The following DSCAM variants were observed in gnomAD, a reference collection of about 807,000 sequenced individuals.
DSCAM encodes DS cell adhesion molecule.
A neutral mutation model predicts 217.7 loss-of-function variants in DSCAM; 47 were observed. That is an observed-to-expected ratio of 0.22 (90% CI 0.17 to 0.28). The LOEUF (loss-of-function observed/expected upper bound fraction) is 0.28. DSCAM is among the 10% of genes least tolerant of loss of function. The pLI is 1.00. For synonymous variants in DSCAM, 1,056 were observed against 1,015.3 expected, an observed-to-expected ratio of 1.04 and a Z score of -0.76; for missense variants, 2,080 against 2,618.3, an observed-to-expected ratio of 0.79 and a Z score of 4.49.
At chr21:40,827,468 C>CAAAAAAAAAAAAAAAAAAAAAAAAAAA (rs55906607) in intron 1 of DSCAM, among the ~76,000 whole-genome samples, 2 of 57,140 alleles carry the variant, frequency 3.5e-5, no homozygotes, top group Non-Finnish European at 7.1e-5. Context: ...GTCCATGTCT[C>CAAAAAAAAAAAAAAAAAAAAAAAAAAA]AAAAAAAAAA....
At chr21:40,845,321 T>A (rs892277204) in intron 1 of DSCAM, among the ~76,000 whole-genome samples, 2 of 152,210 alleles carry the variant, frequency 1.3e-5, no homozygotes, top group African/African-American at 2.4e-5. Flanking sequence ...ACCGTTTTTT[T>A]AAAAAATTGA....
chr21:40,829,083 C>T (rs2091992675), intron 1 of DSCAM, among the ~76,000 whole-genome samples: 2 of 152,140 alleles, frequency 1.3e-5, no homozygotes, highest in Non-Finnish European at 2.9e-5. Context: ...TTTTATCTGC[C>T]CAGGGTCATG....
chr21:40,394,612 T>C (rs1009211322), intron 3 of DSCAM, among the ~76,000 whole-genome samples: 3 of 152,188 alleles, frequency 2.0e-5, no homozygotes, highest in African/African-American at 7.2e-5. Context: ...GAAGTGGAAA[T>C]GCAATATTGA....
At chr21:40,342,027 T>C (rs2074497682) in intron 6 of DSCAM, among the ~76,000 whole-genome samples, 1 of 152,208 alleles carries the variant, frequency 6.6e-6, no homozygotes, top group Non-Finnish European at 1.5e-5. Context: ...GGTTGTATAT[T>C]TTTCCCAGAA....
chr21:40,075,149 C>T lies in DSCAM; in HGVS notation c.4776G>A (p.Gly1592=), dbSNP rs773110897. The part of the protein sequence containing the change: ...QNEEGLTTNE[G]LKMLVTISCI... ...AGGAGATGGTCACCAGCATCTTGAG[C>T]CCCTCGTTGGTCGTCAGCCCTTCTT... The change falls in exon 27 of 33, where the codon GGG becomes GGA. Residue 1592 remains glycine (G), a synonymous_variant. Transcript: ENST00000400454. 15 of 1,614,076 alleles carry T rather than the reference C, an allele frequency of 9.3e-6. No individual in the cohort carries two copies. The highest frequency in any genetic ancestry group is 1.3e-5 in the Non-Finnish European group (15 of 1,180,040).
chr21:40,547,188 C>G (rs1428402533), intron 3 of DSCAM, among the ~76,000 whole-genome samples: 1 of 152,142 alleles, frequency 6.6e-6, no homozygotes, highest in Non-Finnish European at 1.5e-5. Flanking sequence ...GACACAATAG[C>G]AGCAAGGAAG....
In DSCAM at chr21:40,026,292, G is replaced by C. The variant is rs112151266; in HGVS notation, c.5687-12906C>G. Among the ~76,000 whole-genome samples, 272 of 140,386 alleles carry C rather than the reference G, an allele frequency of 1.9e-3. 4 individuals carry two copies. Among genetic ancestry groups the C allele is most frequent in the African/African-American group, 6.2e-3 (242 of 39,008 alleles). 92.1% of individuals were successfully genotyped at this position (140,386 alleles called of 152,430 possible). On this transcript the variant is annotated intron_variant, in intron 32 of 32. Transcript: ENST00000400454. Reference sequence around the variant, plus strand: ...TTGCTGAGGAGAGCTTTACTTCCAAGTATGTGGTCAATTTTGGAATAGGTG... The same window carrying C: ...TTGCTGAGGAGAGCTTTACTTCCAACTATGTGGTCAATTTTGGAATAGGTG...
chr21:40,042,812 G>T, intron 31 of DSCAM, 139 bp from the exon 32 acceptor site: 3 of 820,566 alleles, frequency 3.7e-6, no homozygotes, highest in South Asian at 1.8e-5. Context: ...CTTGGCGGAG[G>T]CTCCTGCCTT....
chr21:40,822,266 C>A (rs1285540340), intron 1 of DSCAM, among the ~76,000 whole-genome samples: 5 of 132,312 alleles, frequency 3.8e-5, no homozygotes. Flanking sequence ...TTGCAGCGAG[C>A]CAAGATTGCA....
intron 1 of DSCAM, among the ~76,000 whole-genome samples, chr21:40,741,667 C>A (rs1018128803): frequency 6.6e-6 from 1 of 152,158 alleles, no homozygotes; most frequent in Non-Finnish European, 1.5e-5. Context: ...CCTGGCTGCA[C>A]GGTAGATTCA....
chr21:40,272,582 C>T (rs1003599010), intron 11 of DSCAM, among the ~76,000 whole-genome samples: 5 of 152,152 alleles, frequency 3.3e-5, no homozygotes, highest in Admixed American at 3.3e-4. Context: ...ATAGGAGAAA[C>T]CCTCTGTGCA....
rs181172964 is a variant in DSCAM at position 40,558,287 on chromosome 21, A to C, written c.508+134523T>G. On this transcript the variant is annotated intron_variant, in intron 3 of 32. Coordinates refer to ENST00000400454, the MANE Select transcript of DSCAM (RefSeq NM_001389.5). ...CGGTGAAACCCCGTCTCTACTAAAA[A>C]ATACAAAAAAATTAGCTGGGCATGG... Among the ~76,000 whole-genome samples the C allele has an allele frequency of 8.0e-3, 1,211 of 150,914 alleles. 12 individuals are homozygous for C. The highest frequency in any genetic ancestry group is 0.014 in the Non-Finnish European group (951 of 67,394).
chr21:40,389,720 A>G (rs893107608), intron 3 of DSCAM, among the ~76,000 whole-genome samples: 1 of 152,176 alleles, frequency 6.6e-6, no homozygotes, highest in African/African-American at 2.4e-5. Context: ...CGCAGAATGG[A>G]CAAGTACTCT....
chr21:40,269,445 T>C (rs886528842), intron 11 of DSCAM, among the ~76,000 whole-genome samples: 5 of 152,228 alleles, frequency 3.3e-5, no homozygotes, highest in Non-Finnish European at 7.3e-5. Context: ...CGGACTCTTC[T>C]GCTTAGGCAG....
intron 3 of DSCAM, among the ~76,000 whole-genome samples, chr21:40,551,290 C>T (rs11702809): frequency 0.57 from 85,862 of 151,962 alleles, 24,596 homozygotes; most frequent in South Asian, 0.62. Context: ...GGGTGTTGCT[C>T]ACAGGTTATA....
intron 1 of DSCAM, among the ~76,000 whole-genome samples, chr21:40,800,625 C>A (rs150529137): frequency 3.9e-5 from 6 of 152,244 alleles, no homozygotes; most frequent in African/African-American, 1.4e-4. Context: ...AAGCGTGTCC[C>A]TGCCCAAGGG....
At chr21:40,574,388 A>G (rs1182565850) in intron 3 of DSCAM, among the ~76,000 whole-genome samples, 1 of 152,198 alleles carries the variant, frequency 6.6e-6, no homozygotes, top group East Asian at 1.9e-4. Context: ...AACTATCTCA[A>G]TACATGTAGA....
intron 3 of DSCAM, among the ~76,000 whole-genome samples, chr21:40,496,503 C>T (rs964146785): frequency 6.6e-6 from 1 of 152,108 alleles, no homozygotes; most frequent in Non-Finnish European, 1.5e-5. Context: ...TTATCTCACA[C>T]CATATACAAA....
intron 3 of DSCAM, among the ~76,000 whole-genome samples, chr21:40,579,013 A>G (rs1277211784): frequency 6.6e-6 from 1 of 152,230 alleles, no homozygotes; most frequent in African/African-American, 2.4e-5. Context: ...AACAATATGC[A>G]TTGTGCAAAA....
Sources: gnomAD v4.1 joint callset for allele counts (sites outside exome capture counted in the v4.1 genomes callset) on GRCh38, gnomAD v4.1.1 for gene constraint, MANE v1.5 for transcripts, NCBI Gene and HGNC (gene_info 2026-07-23, HGNC 2026-07-21) for gene names.